RAPGEF4: variants seen among roughly 807,000 people sequenced by gnomAD.
RAPGEF4 encodes Rap guanine nucleotide exchange factor 4.
Under a neutral mutation model 147.9 loss-of-function variants are expected in RAPGEF4, and 66 were observed. The ratio of observed to expected loss-of-function variants is 0.45; its 90% CI spans 0.37 to 0.55. The LOEUF is 0.55. Ranked by LOEUF, RAPGEF4 falls within the 20% of genes least tolerant of loss-of-function variation. The pLI is 0.00. For missense variants in RAPGEF4, 1,071 were observed against 1,257.3 expected (o/e 0.85, Z 2.24); for synonymous variants, 419 against 442.7 (o/e 0.95, Z 0.67).
intron 4 of RAPGEF4, among the ~76,000 whole-genome samples, chr2:172,906,450 T>A (rs1699639699): frequency 6.6e-6 from 1 of 152,196 alleles, no homozygotes; most frequent in Non-Finnish European, 1.5e-5. Flanking sequence ...TGGCTTCCTG[T>A]TTTTAATGCT....
chr2:172,795,366 C>T (rs928622904), intron 2 of RAPGEF4, among the ~76,000 whole-genome samples, 199 bp downstream of exon 2: 14 of 152,168 alleles, frequency 9.2e-5, no homozygotes, highest in African/African-American at 2.7e-4. Context: ...GTTCACAGAA[C>T]GTAAATGGTT....
chr2:172,859,694 G>C (rs1693811043), intron 4 of RAPGEF4, among the ~76,000 whole-genome samples: 1 of 152,156 alleles, frequency 6.6e-6, no homozygotes, highest in Non-Finnish European at 1.5e-5. Context: ...TGAAGGTAAA[G>C]TGCACCCTGG....
At chr2:172,870,363 G>A (rs1695101726) in intron 4 of RAPGEF4, among the ~76,000 whole-genome samples, 1 of 152,066 alleles carries the variant, frequency 6.6e-6, no homozygotes, top group African/African-American at 2.4e-5. Flanking sequence ...TGCCAGTTCT[G>A]AGAAGCTATC....
intron 3 of RAPGEF4, among the ~76,000 whole-genome samples, chr2:172,811,972 C>G (rs1428679454): frequency 6.6e-6 from 1 of 152,312 alleles, no homozygotes; most frequent in African/African-American, 2.4e-5. Flanking sequence ...AAATGTTCTT[C>G]TTGGCACCTT....
intron 3 of RAPGEF4, among the ~76,000 whole-genome samples, chr2:172,807,534 G>A (rs955524265): frequency 2.6e-5 from 4 of 152,190 alleles, no homozygotes; most frequent in Admixed American, 6.5e-5. Context: ...GACAAATTAA[G>A]AGATTGGGTT....
intron 17 of RAPGEF4, 56 bp downstream of exon 17, chr2:173,001,400 C>G: frequency 2.5e-6 from 4 of 1,606,640 alleles, no homozygotes; most frequent in Non-Finnish European, 3.4e-6. Context: ...CCCCCCCTAT[C>G]GAGGGCCATT....
chr2:172,794,786 A>C (rs1316171366), intron 1 of RAPGEF4, among the ~76,000 whole-genome samples: 4 of 152,186 alleles, frequency 2.6e-5, no homozygotes, highest in African/African-American at 7.2e-5. Context: ...TAGCACTCTG[A>C]GGTTGACTCC....
intron 1 of RAPGEF4, among the ~76,000 whole-genome samples, chr2:172,737,259 C>T (rs1003328513): frequency 3.3e-5 from 5 of 151,902 alleles, no homozygotes; most frequent in African/African-American, 1.2e-4. Flanking sequence ...GAGTTGCATG[C>T]AATAAATAGT....
intron 4 of RAPGEF4, among the ~76,000 whole-genome samples, chr2:172,872,047 A>C (rs890792331): frequency 1.3e-5 from 2 of 152,196 alleles, no homozygotes; most frequent in Non-Finnish European, 2.9e-5. Flanking sequence ...ATCTGAAAAC[A>C]AACCTACTTT....
At chr2:172,742,282 A>G (rs918084542) in intron 1 of RAPGEF4, among the ~76,000 whole-genome samples, 2 of 152,206 alleles carry the variant, frequency 1.3e-5, no homozygotes, top group Non-Finnish European at 2.9e-5. Context: ...CAAGAGCCAA[A>G]TAAGTTGCAT....
intron 6 of RAPGEF4, among the ~76,000 whole-genome samples, chr2:172,950,882 G>C (rs1240805727): frequency 2.0e-5 from 3 of 152,230 alleles, no homozygotes; most frequent in African/African-American, 7.2e-5. Context: ...TCACATGTTA[G>C]TAAGGATTAT....
intron 4 of RAPGEF4, among the ~76,000 whole-genome samples, chr2:172,885,089 A>G (rs1697037012): frequency 6.6e-6 from 1 of 152,184 alleles, no homozygotes; most frequent in Non-Finnish European, 1.5e-5. Context: ...GGGGATATTC[A>G]CAGCCCAACA....
intron 5 of RAPGEF4, among the ~76,000 whole-genome samples, chr2:172,918,744 A>G (rs1214490948): frequency 1.3e-5 from 2 of 152,150 alleles, no homozygotes; most frequent in Non-Finnish European, 2.9e-5. Flanking sequence ...GTACACATAT[A>G]ACAAGATTCC....
In RAPGEF4 at chr2:172,735,875, C is replaced by A. The variant is rs76443145; in HGVS notation, c.-109C>A. ...TGTCGCAGCCGCGCTGGTCGCCAGG[C>A]GTCCGGGAGGAGCGGGGTCCGCGCG... On this transcript the variant is annotated 5_prime_UTR_variant, in exon 1 of 31. Transcript: ENST00000397081. 0.18 allele frequency: 169,595 copies of A among 944,998 alleles called. 16,256 individuals are homozygous for A. The highest frequency in any genetic ancestry group is 0.19 in the Non-Finnish European group (138,010 of 729,138). 58.5% of individuals were successfully genotyped at this position (944,998 alleles called of 1,614,324 possible). A position where few individuals can be genotyped will look rare whatever the true frequency, so the allele number is the denominator to read the frequency against.
chr2:173,005,519 T>TG (rs1694353438), intron 17 of RAPGEF4, among the ~76,000 whole-genome samples: 1 of 114,812 alleles, frequency 8.7e-6, no homozygotes, highest in Non-Finnish European at 1.8e-5. Flanking sequence ...TGTTGTTTTG[T>TG]GTTTTTTTTT....
chr2:172,890,689 G>A (rs1217222382), intron 4 of RAPGEF4, among the ~76,000 whole-genome samples: 1 of 152,192 alleles, frequency 6.6e-6, no homozygotes. Context: ...AGCAGGGAGG[G>A]AACCATTGAG....
chr2:173,001,400 C>T (rs1693906905), intron 17 of RAPGEF4, 56 bp downstream of exon 17: 7 of 1,606,640 alleles, frequency 4.4e-6, no homozygotes, highest in South Asian at 2.2e-5. Flanking sequence ...CCCCCCCTAT[C>T]GAGGGCCATT....
intron 17 of RAPGEF4, among the ~76,000 whole-genome samples, chr2:173,013,020 T>G (rs1695170804): frequency 6.6e-6 from 1 of 152,262 alleles, no homozygotes; most frequent in Non-Finnish European, 1.5e-5. Context: ...TGAGAGAGGA[T>G]TGTAGCAATA....
At chr2:172,871,155 T>C (rs1408047643) in intron 4 of RAPGEF4, among the ~76,000 whole-genome samples, 1 of 152,226 alleles carries the variant, frequency 6.6e-6, no homozygotes, top group Non-Finnish European at 1.5e-5. Context: ...CTAGACTGTA[T>C]CATATCTGAA....
Sources: gnomAD v4.1 joint callset for allele counts (sites outside exome capture counted in the v4.1 genomes callset) on GRCh38, gnomAD v4.1.1 for gene constraint, MANE v1.5 for transcripts, NCBI Gene and HGNC (gene_info 2026-07-23, HGNC 2026-07-21) for gene names.